PRKRIP1: variants seen among roughly 807,000 people sequenced by gnomAD.
PRKRIP1 encodes the protein PRKR-interacting protein 1.
Under a neutral mutation model 29.3 loss-of-function variants are expected in PRKRIP1, and 29 were observed. The ratio of observed to expected loss-of-function variants is 0.99; its 90% CI spans 0.74 to 1.35. PRKRIP1 has a LOEUF of 1.35. Among genes scored for constraint, PRKRIP1 ranks in the 40% most tolerant of loss-of-function variants. The probability of loss-of-function intolerance (pLI) is 0.00; values close to 1 mark genes in which losing one functional copy is unlikely to be tolerated. For synonymous variants in PRKRIP1, 90 were observed against 85.1 expected, an observed-to-expected ratio of 1.06 and a Z score of -0.32; for missense variants, 247 against 236.8, an observed-to-expected ratio of 1.04 and a Z score of -0.28.
chr7:102,401,826 C>T (rs1796081267), intron 3 of PRKRIP1, among the ~76,000 whole-genome samples: 1 of 152,132 alleles, frequency 6.6e-6, no homozygotes, highest in African/African-American at 2.4e-5. Flanking sequence ...TCACTTGAAC[C>T]TGGGAGACGG....
At chr7:102,401,459 CGTGGTG>C (rs1796068611) in intron 3 of PRKRIP1, among the ~76,000 whole-genome samples, 2 of 152,142 alleles carry the variant, frequency 1.3e-5, no homozygotes, top group Admixed American at 1.3e-4. Context: ...GGGGGCCAGC[CGTGGTG>C]GCTCATGCCT....
chr7:102,396,371 G>T lies in PRKRIP1; in HGVS notation c.-41G>T. ...CGCGCGGCTGTGTCGTCATACTTGCGCGCCGACGCCGCCGCTCGCTTGTGA... is the reference window on the plus strand; with the variant it reads ...CGCGCGGCTGTGTCGTCATACTTGCTCGCCGACGCCGCCGCTCGCTTGTGA... On this transcript the variant is annotated 5_prime_UTR_variant, in exon 1 of 6. Transcript: ENST00000397912. The T allele has an allele frequency of 1.3e-6, 2 of 1,484,726 alleles. No individual in the cohort carries two copies. The highest frequency in any genetic ancestry group is 8.9e-7 in the Non-Finnish European group (1 of 1,122,276). 92.0% of individuals were successfully genotyped at this position (1,484,726 alleles called of 1,614,324 possible).
In PRKRIP1 at chr7:102,426,606, C is replaced by T. The variant is rs955990733; in HGVS notation, c.*1495C>T. On this transcript the variant is annotated 3_prime_UTR_variant, in exon 6 of 6. Coordinates refer to ENST00000397912, the MANE Select transcript of PRKRIP1 (RefSeq NM_024653.4). ...CATCGGTTCATGTCACAGGGATTTT[C>T]TTTCCCAGGAAGCGGACACGGAGAG... The T allele has an allele frequency of 1.3e-5, 2 of 152,780 alleles. No individual in the cohort carries two copies. Among genetic ancestry groups the T allele is most frequent in the Admixed American group, 1.3e-4 (2 of 15,284 alleles). The allele number at this position is 152,780 out of a possible 1,614,324, so 9.5% of individuals were successfully genotyped here.
At position 102,404,652 on chromosome 7, in the gene PRKRIP1, G is replaced by A. The variant is rs1441785799; in HGVS notation, c.361G>A (p.Glu121Lys). ...KRLEKNKIAA[E>K]EQTAKRRKKR... ...ACTGGAAAAGAATAAAATTGCTGCA[G>A]AGGAGCAGACCGCAAAGCGCCGGAA... Residue 121 changes from glutamate (E) to lysine (K), a missense_variant, in exon 4 of 6, where the codon GAG becomes AAG. This residue lies in a region of PRKRIP1 where 134 missense variants were observed against 126.6 expected (regional missense o/e 1.06). Coordinates refer to ENST00000397912, the MANE Select transcript of PRKRIP1 (RefSeq NM_024653.4). The A allele has an allele frequency of 3.1e-6, 5 of 1,613,826 alleles. No individual in the cohort carries two copies. In the African/African-American group the frequency reaches 4.0e-5, roughly 13 times the overall value.
At chr7:102,399,433 A>G in intron 2 of PRKRIP1, 115 bp from the exon 3 acceptor site, 1 of 758,144 alleles carries the variant, frequency 1.3e-6, no homozygotes, top group Non-Finnish European at 2.3e-6. Context: ...GGGAGAAAGG[A>G]AGGCATGGTC....
At chr7:102,419,831 G>GTT (rs1226790232) in intron 5 of PRKRIP1, among the ~76,000 whole-genome samples, 1 of 147,434 alleles carries the variant, frequency 6.8e-6, no homozygotes, top group African/African-American at 2.5e-5. Context: ...GTGTGCTACT[G>GTT]TTTTTTTGTG....
chr7:102,415,263 G>A (rs1554572951), intron 5 of PRKRIP1, among the ~76,000 whole-genome samples: 1 of 152,194 alleles, frequency 6.6e-6, no homozygotes, highest in Non-Finnish European at 1.5e-5. Context: ...TTGAAATGGA[G>A]TCTTGCTCCA....
intron 4 of PRKRIP1, among the ~76,000 whole-genome samples, chr7:102,405,590 G>A (rs1796192399): frequency 6.6e-6 from 1 of 152,066 alleles, no homozygotes; most frequent in African/African-American, 2.4e-5. Flanking sequence ...GTGCAACCCT[G>A]TCTCTACAAT....
chr7:102,397,323 G>A (rs758294932), intron 1 of PRKRIP1, among the ~76,000 whole-genome samples: 2 of 152,010 alleles, frequency 1.3e-5, no homozygotes, highest in African/African-American at 2.4e-5. Context: ...CGGGAGGATG[G>A]TCCGAGGCCA....
At chr7:102,405,753 A>G (rs922259473) in intron 4 of PRKRIP1, 7 of 174,072 alleles carry the variant, frequency 4.0e-5, no homozygotes, top group Non-Finnish European at 8.2e-5. Flanking sequence ...TTGGTGCAAA[A>G]GTAACTGCAG....
intron 3 of PRKRIP1, among the ~76,000 whole-genome samples, chr7:102,401,834 C>T (rs10226605): frequency 0.98 from 150,000 of 152,292 alleles, 73,908 homozygotes; most frequent in Middle Eastern, 1. Context: ...ACCTGGGAGA[C>T]GGAAGTTGCA....
chr7:102,397,574 T>G (rs782174469), intron 1 of PRKRIP1, 46 bp from the exon 2 acceptor site: 12 of 1,477,720 alleles, frequency 8.1e-6, no homozygotes, highest in Non-Finnish European at 1.0e-5. Context: ...TATATAATTT[T>G]GTCAACAGGT....
intron 3 of PRKRIP1, among the ~76,000 whole-genome samples, chr7:102,401,168 G>A (rs1202815592): frequency 1.3e-5 from 2 of 152,136 alleles, no homozygotes; most frequent in Non-Finnish European, 2.9e-5. Context: ...GGAAAATGAG[G>A]CTTGGAAACA....
intron 4 of PRKRIP1, among the ~76,000 whole-genome samples, chr7:102,404,996 G>A (rs1419990329): frequency 2.0e-5 from 3 of 151,272 alleles, no homozygotes; most frequent in South Asian, 2.1e-4. Context: ...GCACAATCTC[G>A]GCTCACTGCA....
Position 102,397,648 on chromosome 7 carries a change from T to C in PRKRIP1, c.155T>C (p.Met52Thr). ...AAAGCAGTTCCAATTCCAGAGAAAA[T>C]GAGTGAATGGGCACCTCGACCTCCC... Reference protein sequence around the residue: ...PDKAVPIPEKMSEWAPRPPPE... With the variant: ...PDKAVPIPEKTSEWAPRPPPE... The change falls in exon 2 of 6, where the codon ATG becomes ACG. Residue 52 changes from methionine (M) to threonine (T), a missense_variant. Met to Thr is a moderately conservative substitution (Grantham distance 81). Transcript: ENST00000397912. 6.2e-7 allele frequency: 1 copy of C among 1,613,704 alleles called. No individual in the cohort carries two copies. The highest frequency in any genetic ancestry group is 8.5e-7 in the Non-Finnish European group (1 of 1,179,914).
At chr7:102,423,426 T>G (rs180765992) in intron 5 of PRKRIP1, 11 of 297,670 alleles carry the variant, frequency 3.7e-5, no homozygotes, top group Admixed American at 1.8e-4. Flanking sequence ...TTATACGATT[T>G]CTGCAGACAA....
intron 2 of PRKRIP1, 94 bp downstream of exon 2, chr7:102,397,792 T>G: frequency 8.4e-7 from 1 of 1,192,880 alleles, no homozygotes; most frequent in Non-Finnish European, 1.2e-6. Context: ...ATGCCTCTAA[T>G]CCCAGCACTT....
chr7:102,419,701 G>A (rs1205165388), intron 5 of PRKRIP1, among the ~76,000 whole-genome samples: 1 of 152,078 alleles, frequency 6.6e-6, no homozygotes, highest in African/African-American at 2.4e-5. Context: ...GTGGCTTAAT[G>A]CCCCATTCCT....
chr7:102,417,707 C>T (rs1554573301), intron 5 of PRKRIP1, among the ~76,000 whole-genome samples: 1 of 146,896 alleles, frequency 6.8e-6, no homozygotes, highest in Non-Finnish European at 1.5e-5. Flanking sequence ...CATCCTCAAA[C>T]TCCGGGCTCA....
Sources: gnomAD v4.1 joint callset for allele counts (sites outside exome capture counted in the v4.1 genomes callset) on GRCh38, gnomAD v4.1.1 for gene constraint, gnomAD v4.1.1 regional missense constraint, MANE v1.5 for transcripts, NCBI Gene and HGNC (gene_info 2026-07-23, HGNC 2026-07-21) for gene names.